AKAP6: variants seen among roughly 807,000 people sequenced by gnomAD.
The protein encoded by AKAP6 is A-kinase anchoring protein 6.
AKAP6 carries 58 observed loss-of-function variants against 188.5 expected under a neutral mutation model. The ratio of observed to expected loss-of-function variants is 0.31; its 90% CI spans 0.25 to 0.38. AKAP6 has a LOEUF of 0.38. Ranked by LOEUF, AKAP6 falls within the 10% of genes least tolerant of loss-of-function variation. The pLI is 1.00. For missense variants in AKAP6, 2,710 were observed against 2,740.0 expected (o/e 0.99, Z 0.24); for synonymous variants, 989 against 998.6 (o/e 0.99, Z 0.18).
rs1231827665 is a variant in AKAP6 at position 32,735,901 on chromosome 14, A to C, written c.3372+19A>C. The C allele has an allele frequency of 1.9e-6, 3 of 1,547,980 alleles. No homozygotes were observed. Among genetic ancestry groups the C allele is most frequent in the Non-Finnish European group, 2.6e-6 (3 of 1,143,460 alleles). On this transcript the variant is annotated intron_variant, in intron 11 of 13. Coordinates refer to ENST00000280979, the MANE Select transcript of AKAP6 (RefSeq NM_004274.5). ...CTTTAAGGTAATAAAAAAACAATCA[A>C]AGTTGATAAAAAGCTCTTTTTATGG... is the stretch of plus-strand genomic sequence containing the variant.
At chr14:32,526,012 T>C (rs537309966) in intron 2 of AKAP6, among the ~76,000 whole-genome samples, 1 of 152,336 alleles carries the variant, frequency 6.6e-6, no homozygotes, top group South Asian at 2.1e-4. Context: ...GTTCTGTGAT[T>C]ATCATAAAAA....
chr14:32,592,260 T>C (rs954134623), intron 5 of AKAP6, among the ~76,000 whole-genome samples: 1 of 152,188 alleles, frequency 6.6e-6, no homozygotes, highest in African/African-American at 2.4e-5. Context: ...AATAAAGAGT[T>C]CTACTCTCAA....
rs187419582 is a variant in AKAP6 at position 32,454,805 on chromosome 14, C to T, written c.324+20988C>T. Among the ~76,000 whole-genome samples the T allele has an allele frequency of 2.1e-3, 35 of 16,446 alleles. 4 individuals carry two copies. Among genetic ancestry groups the T allele is most frequent in the African/African-American group, 0.014 (12 of 866 alleles). The allele number at this position is 16,446 out of a possible 152,430, so 10.8% of individuals were successfully genotyped here. A position where few individuals can be genotyped will look rare whatever the true frequency, so the allele number is the denominator to read the frequency against. On this transcript the variant is annotated intron_variant, in intron 2 of 13. Coordinates refer to ENST00000280979, the MANE Select transcript of AKAP6 (RefSeq NM_004274.5). ...CCTCCCTCCCTCCTTCCCTCCCTCC[C>T]TCCCTCCCTCCCTCCTTCCCTCCTT...
intron 1 of AKAP6, among the ~76,000 whole-genome samples, chr14:32,347,629 A>G (rs1052093137): frequency 6.6e-6 from 1 of 152,198 alleles, no homozygotes; most frequent in South Asian, 2.1e-4. Flanking sequence ...AAGTTTTTCA[A>G]TTTGTGAGTG....
intron 2 of AKAP6, among the ~76,000 whole-genome samples, chr14:32,472,925 T>A (rs117856915): frequency 0.01 from 1,526 of 152,300 alleles, 14 homozygotes; most frequent in Middle Eastern, 0.031. Flanking sequence ...GTAATCCTAA[T>A]GCTTAGAAAT....
chr14:32,481,701 A>G (rs994797872), intron 2 of AKAP6, among the ~76,000 whole-genome samples: 4 of 152,174 alleles, frequency 2.6e-5, no homozygotes, highest in African/African-American at 9.7e-5. Flanking sequence ...CTACAATTCA[A>G]CATGAGATTT....
rs945490453 is a variant in AKAP6 at position 32,835,211 on chromosome 14, G to A, written c.*5406G>A. On this transcript the variant is annotated 3_prime_UTR_variant, in exon 14 of 14. Transcript: ENST00000280979. ...TTCTAAATTCCGACACATTTTCTTA[G>A]GATAGATTTCCATTTGCAAATTCAG... 9.9e-5 allele frequency: 15 copies of A among 151,916 alleles called. No individual in the cohort carries two copies. The highest frequency in any genetic ancestry group is 3.4e-4 in the African/African-American group (14 of 41,366). 9.4% of individuals were successfully genotyped at this position (151,916 alleles called of 1,614,324 possible).
At chr14:32,698,089 T>C (rs1890476407) in intron 9 of AKAP6, among the ~76,000 whole-genome samples, 1 of 152,064 alleles carries the variant, frequency 6.6e-6, no homozygotes. Context: ...GTCTGTAGGG[T>C]CTTTCTTTAT....
At chr14:32,388,133 A>G (rs1182649753) in intron 1 of AKAP6, among the ~76,000 whole-genome samples, 1 of 152,096 alleles carries the variant, frequency 6.6e-6, no homozygotes, top group Non-Finnish European at 1.5e-5. Flanking sequence ...TTATGTGCAT[A>G]AAGGTGTTCA....
intron 5 of AKAP6, among the ~76,000 whole-genome samples, chr14:32,590,563 A>C (rs1463125477): frequency 6.7e-6 from 1 of 150,324 alleles, no homozygotes; most frequent in African/African-American, 2.5e-5. Context: ...AATGTTATAA[A>C]TCATCAAACG....
intron 2 of AKAP6, among the ~76,000 whole-genome samples, chr14:32,461,404 G>T (rs1891318246): frequency 6.6e-6 from 1 of 152,214 alleles, no homozygotes; most frequent in South Asian, 2.1e-4. Context: ...TTGCTGTTCT[G>T]CAGTCTCCAC....
intron 12 of AKAP6, among the ~76,000 whole-genome samples, chr14:32,819,141 A>G (rs114066001): frequency 0.017 from 2,596 of 152,272 alleles, 74 homozygotes; most frequent in African/African-American, 0.06. Context: ...ATTGCTGGGT[A>G]CTAGATTAAC....
rs566990618 is a variant in AKAP6, at chr14:32,714,025, C to T, written c.3000+17915C>T. The stretch of plus-strand genomic sequence containing the variant: ...AGTGACTCTTTCTTTCACTTGAGTA[C>T]TTAGAGGCCATTGTAGGATTATTAC... On this transcript the variant is annotated intron_variant, in intron 9 of 13. Transcript: ENST00000280979. 5.3e-5 allele frequency among the ~76,000 whole-genome samples: 8 copies of T among 152,088 alleles called. No homozygotes were observed. In the South Asian group the frequency reaches 1.0e-3, roughly 20 times the overall value.
chr14:32,372,282 G>T (rs533462517), intron 1 of AKAP6, among the ~76,000 whole-genome samples: 102 of 151,994 alleles, frequency 6.7e-4, no homozygotes, highest in African/African-American at 2.4e-3. Flanking sequence ...TACTTGTGAT[G>T]CATTTTTTTT....
At chr14:32,779,393 G>A in intron 12 of AKAP6, among the ~76,000 whole-genome samples, 1 of 131,238 alleles carries the variant, frequency 7.6e-6, no homozygotes, top group East Asian at 2.3e-4. Context: ...CTGGGCAACA[G>A]AGTGAGACTC....
intron 2 of AKAP6, chr14:32,442,434 C>G (rs1446534112): frequency 6.6e-6 from 1 of 152,142 alleles, no homozygotes; most frequent in African/African-American, 2.4e-5. Context: ...CAGTAGTGCT[C>G]TCTGCCAATC....
chr14:32,427,306 AAG>A (rs1890067920), intron 1 of AKAP6, among the ~76,000 whole-genome samples: 1 of 152,180 alleles, frequency 6.6e-6, no homozygotes, highest in African/African-American at 2.4e-5. Flanking sequence ...TGGGCAGGGA[AAG>A]AGAGCAAAGG....
intron 9 of AKAP6, among the ~76,000 whole-genome samples, chr14:32,712,261 T>A (rs1396877083): frequency 6.6e-6 from 1 of 152,008 alleles, no homozygotes. Flanking sequence ...AAAAAAATTT[T>A]ATTGCAAAAA....
Position 32,487,082 on chromosome 14 carries a change from T to G in AKAP6, c.325-48472T>G, listed in dbSNP as rs184548891. ...TGCCTCTGTTGAGATAATCATGTGG[T>G]TTTTGTCATTGGTTCTGTTTATGTG... On this transcript the variant is annotated intron_variant, in intron 2 of 13. Coordinates refer to ENST00000280979, the MANE Select transcript of AKAP6 (RefSeq NM_004274.5). 3.5e-3 allele frequency among the ~76,000 whole-genome samples: 539 copies of G among 152,304 alleles called. 4 individuals carry two copies. Among genetic ancestry groups the G allele is most frequent in the African/African-American group, 0.012 (511 of 41,568 alleles).
Sources: gnomAD v4.1 joint callset for allele counts (sites outside exome capture counted in the v4.1 genomes callset) on GRCh38, gnomAD v4.1.1 for gene constraint, MANE v1.5 for transcripts, NCBI Gene and HGNC (gene_info 2026-07-23, HGNC 2026-07-21) for gene names.